Variants in IKBIP observed in about 807,000 individuals in gnomAD.
IKBIP encodes the protein inhibitor of nuclear factor kappa-B kinase-interacting protein.
Under a neutral mutation model 31.0 loss-of-function variants are expected in IKBIP, and 28 were observed. The observed-to-expected ratio is 0.90, with a 90% CI of 0.67 to 1.24. The LOEUF (loss-of-function observed/expected upper bound fraction) is 1.24, where lower values mean the gene tolerates loss of function less well. Ranked by LOEUF, IKBIP falls within the 50% of genes most tolerant of loss-of-function variation. The pLI, the probability that IKBIP is intolerant of heterozygous loss-of-function variation, is 0.00. For synonymous variants in IKBIP, 164 were observed against 160.3 expected (o/e 1.02, Z -0.17); for missense variants, 453 against 441.9 (o/e 1.03, Z -0.23).
In IKBIP at chr12:98,614,125, C is replaced by A. The variant is rs749371393; in HGVS notation, c.513G>T (p.Lys171Asn). The change falls in exon 3 of 3, where the codon AAG (lysine) becomes AAT (asparagine). Residue 171 changes from lysine (K) to asparagine (N), a missense_variant. Transcript: ENST00000342502. ...GTATATCTGTTTTTACACTTGTAAT[C>A]TTGAGACCAACATCTTTTGCCATGG... The A allele has an allele frequency of 3.1e-6, 5 of 1,613,506 alleles. No individual in the cohort carries two copies. The Admixed American group carries it at 5.0e-5, about 16-fold the overall frequency.
downstream of IKBIP, among the ~76,000 whole-genome samples, chr12:98,619,405 A>C (rs1352075780): frequency 6.6e-6 from 1 of 152,240 alleles, no homozygotes; most frequent in Non-Finnish European, 1.5e-5. Flanking sequence ...TATTAGGAAG[A>C]AGCTGTTAGT....
chr12:98,625,409 T>G lies in IKBIP; in HGVS notation c.*521A>C, dbSNP rs2097613342. 1.6e-6 allele frequency: 1 copy of G among 611,426 alleles called. No homozygotes were observed. Among genetic ancestry groups the G allele is most frequent in the South Asian group, 7.3e-5 (1 of 13,686 alleles). The allele number at this position is 611,426 out of a possible 1,614,324, so 37.9% of individuals were successfully genotyped here. A position where few individuals can be genotyped will look rare whatever the true frequency, so the allele number is the denominator to read the frequency against. On this transcript the variant is annotated 3_prime_UTR_variant, in exon 3 of 3. Coordinates refer to ENST00000299157, the MANE Select transcript of IKBIP (RefSeq NM_153687.4). ...ATGTTATCTTTTATTTTACACAAAA[T>G]TCCCATGAACTTGGTTGTGTGGATT...
At chr12:98,629,170 C>A (rs1490413220) in intron 2 of IKBIP, among the ~76,000 whole-genome samples, 4 of 152,144 alleles carry the variant, frequency 2.6e-5, no homozygotes, top group Admixed American at 2.6e-4. Flanking sequence ...TGACCCTAAG[C>A]CTTCTAGGTC....
chr12:98,621,566 C>T (rs1357367405), downstream of IKBIP, among the ~76,000 whole-genome samples: 1 of 152,090 alleles, frequency 6.6e-6, no homozygotes, highest in African/African-American at 2.4e-5. Context: ...ATTTTTCTCC[C>T]CTAGTTGAAC....
Position 98,625,443 on chromosome 12 carries a change from G to T in IKBIP, c.*487C>A. The T allele has an allele frequency of 3.1e-6, 1 of 326,762 alleles. No homozygotes were observed. Among genetic ancestry groups the T allele is most frequent in the Non-Finnish European group, 4.4e-6 (1 of 228,072 alleles). 20.2% of individuals were successfully genotyped at this position (326,762 alleles called of 1,614,324 possible). On this transcript the variant is annotated 3_prime_UTR_variant, in exon 3 of 3. Transcript: ENST00000299157. ...ACTTGGTTGTGTGGATTCTTAACCT[G>T]CAGTGAATTACCTAAGAAAGTGAAC...
At chr12:98,631,297 T>G (rs1380882530) in intron 2 of IKBIP, among the ~76,000 whole-genome samples, 3 of 151,362 alleles carry the variant, frequency 2.0e-5, no homozygotes, top group African/African-American at 7.3e-5. Flanking sequence ...AGCTTTTTTT[T>G]TGAGATGGAG....
chr12:98,642,963 TG>T (rs1257381466), intron 1 of IKBIP, among the ~76,000 whole-genome samples: 2 of 151,756 alleles, frequency 1.3e-5, no homozygotes, highest in Non-Finnish European at 2.9e-5. Context: ...TTTGTTTGTT[TG>T]TTTTTTGAGA....
At chr12:98,614,575 C>T (rs1382960736) in intron 2 of IKBIP, among the ~76,000 whole-genome samples, 1 of 152,006 alleles carries the variant, frequency 6.6e-6, no homozygotes, top group Non-Finnish European at 1.5e-5. Context: ...CAGGCACCCG[C>T]CCCCACCTCA....
At chr12:98,637,083 T>C (rs114316442) in intron 1 of IKBIP, among the ~76,000 whole-genome samples, 3,929 of 152,274 alleles carry the variant, frequency 0.026, 156 homozygotes, top group African/African-American at 0.087. Context: ...AAAAATACAT[T>C]AATGAACTTT....
intron 2 of IKBIP, among the ~76,000 whole-genome samples, chr12:98,632,560 C>T (rs1391053738): frequency 1.1e-4 from 11 of 99,676 alleles, no homozygotes; most frequent in Non-Finnish European, 2.0e-4. Flanking sequence ...AAGTTTCTTG[C>T]CCCTGGGATT....
At position 98,626,312 on chromosome 12, in the gene IKBIP, C is replaced by T. The variant is rs1385867062; in HGVS notation, c.752G>A (p.Arg251Lys). The change falls in exon 3 of 3, where the codon AGA becomes AAA. Residue 251 changes from arginine to lysine, a missense_variant. Arg to Lys is a conservative substitution (Grantham distance 26). Transcript: ENST00000299157. ...LEEEQHALFA[R>K]DEDLTNKLSD... Reference sequence around the variant, plus strand: ...AAGTTTATTAGTCAGATCTTCATCTCTGGCAAAGAGGGCATGCTGTTCCTC... The same window carrying T: ...AAGTTTATTAGTCAGATCTTCATCTTTGGCAAAGAGGGCATGCTGTTCCTC... 3 of 1,614,046 alleles carry T rather than the reference C, an allele frequency of 1.9e-6. No individual in the cohort carries two copies. Among genetic ancestry groups the T allele is most frequent in the African/African-American group, 1.3e-5 (1 of 74,952 alleles).
chr12:98,643,710 A>T (rs993795502), intron 1 of IKBIP, among the ~76,000 whole-genome samples: 1 of 152,226 alleles, frequency 6.6e-6, no homozygotes. Flanking sequence ...CTTACTTAAT[A>T]AAAGACCTTA....
At chr12:98,638,783 G>A (rs893731218) in intron 1 of IKBIP, among the ~76,000 whole-genome samples, 1 of 151,940 alleles carries the variant, frequency 6.6e-6, no homozygotes, top group East Asian at 1.9e-4. Context: ...AGGAGATCTG[G>A]CTATTTTGTT....
chr12:98,644,388 T>C (rs2097635694), intron 1 of IKBIP, 135 bp downstream of exon 1: 2 of 792,938 alleles, frequency 2.5e-6, no homozygotes, highest in African/African-American at 1.8e-5. Context: ...TTCCTTCCTT[T>C]GGGGTCAAGA....
intron 1 of IKBIP, among the ~76,000 whole-genome samples, chr12:98,641,846 G>A (rs77976381): frequency 0.031 from 4,772 of 152,128 alleles, 167 homozygotes; most frequent in East Asian, 0.13. Context: ...TCGTAGACAC[G>A]GTCTCACTAT....
At chr12:98,623,393 G>A (rs1437737642), downstream of IKBIP, among the ~76,000 whole-genome samples, 1 of 150,146 alleles carries the variant, frequency 6.7e-6, no homozygotes, top group East Asian at 1.9e-4. Context: ...TGCGTCGCTA[G>A]GACTACAGGG....
chr12:98,644,456 C>G lies in IKBIP; in HGVS notation c.179+67G>C. 6.2e-6 allele frequency: 9 copies of G among 1,456,250 alleles called. No individual in the cohort carries two copies. The South Asian group carries it at 1.2e-4, about 19-fold the overall frequency. The allele number at this position is 1,456,250 out of a possible 1,614,324, so 90.2% of individuals were successfully genotyped here. On this transcript the variant is annotated intron_variant, in intron 1 of 2. Transcript: ENST00000299157. ...GGATCACCTCCGGCTGGATGTTGAG[C>G]CGGGTGGGAGCCCAAACAGCAGGGG...
chr12:98,637,010 C>T lies in IKBIP; in HGVS notation c.180-2597G>A, dbSNP rs74932821. ...ACCATAGATCTATACTATAGATTAG[C>T]GAGTTTATTCAGAATGAAATCATTA... On this transcript the variant is annotated intron_variant, in intron 1 of 2. Coordinates refer to ENST00000299157, the MANE Select transcript of IKBIP (RefSeq NM_153687.4). Among the ~76,000 whole-genome samples, 395 of 152,000 alleles carry T rather than the reference C, an allele frequency of 2.6e-3. 2 individuals carry two copies. The highest frequency in any genetic ancestry group is 9.2e-3 in the African/African-American group (381 of 41,474).
In IKBIP at chr12:98,625,940, C is replaced by T; in HGVS notation, c.1124G>A (p.Gly375Asp). 2 of 1,385,026 alleles carry T rather than the reference C, an allele frequency of 1.4e-6. No individual in the cohort carries two copies. The highest frequency in any genetic ancestry group is 1.9e-6 in the Non-Finnish European group (2 of 1,042,842). 85.8% of individuals were successfully genotyped at this position (1,385,026 alleles called of 1,614,324 possible). ...EYNIENKGIG[G>D]DF ...ATAAATGTCATGAATTTAAAAATCA[C>T]CACCAATTCCTTTATTTTCTATATT... The change falls in exon 3 of 3, where the codon GGT becomes GAT. Residue 375 changes from glycine to aspartate, a missense_variant. Coordinates refer to ENST00000299157, the MANE Select transcript of IKBIP (RefSeq NM_153687.4).
Sources: allele counts gnomAD v4.1 joint callset (sites outside exome capture counted in the v4.1 genomes callset), GRCh38; gene constraint gnomAD v4.1.1; transcripts MANE v1.5; gene names NCBI Gene and HGNC (gene_info 2026-07-23, HGNC 2026-07-21).